The following TENM2 variants were observed in gnomAD, a reference collection of about 807,000 sequenced individuals.
The protein encoded by TENM2 is teneurin transmembrane protein 2, also known as teneurin-2.
TENM2 carries 52 observed loss-of-function variants against 245.2 expected under a neutral mutation model. The ratio of observed to expected loss-of-function variants is 0.21; its 90% confidence interval spans 0.17 to 0.27. TENM2 has a LOEUF of 0.27. TENM2 is among the 10% of genes least tolerant of loss of function. The pLI is 1.00. For synonymous variants in TENM2, 1,363 were observed against 1,438.9 expected, an observed-to-expected ratio of 0.95 and a Z score of 1.19; for missense variants, 3,046 against 3,666.8, an observed-to-expected ratio of 0.83 and a Z score of 4.37.
intron 2 of TENM2, chr5:167,728,689 T>A (rs537772827): frequency 6.6e-6 from 1 of 152,412 alleles, no homozygotes; most frequent in Non-Finnish European, 1.5e-5. Flanking sequence ...CTGTGTTTTA[T>A]CTACAGCTCG....
chr5:167,105,928 G>GAAAGTGATC, the TENM2 span, among the ~76,000 whole-genome samples: 3 of 59,020 alleles, frequency 5.1e-5, no homozygotes, highest in Non-Finnish European at 9.5e-5. Context: ...AAAAAAAAAA[G>GAAAGTGATC]AAAGTGATCA....
At chr5:167,000,354 T>G in the TENM2 span, among the ~76,000 whole-genome samples, 2 of 152,246 alleles carry the variant, frequency 1.3e-5, no homozygotes, top group Admixed American at 1.3e-4. Context: ...TACTTCCATT[T>G]GCTTTATGAA....
At chr5:168,068,987 T>C (rs543246501) in intron 7 of TENM2, among the ~76,000 whole-genome samples, 7 of 152,286 alleles carry the variant, frequency 4.6e-5, no homozygotes, top group East Asian at 3.9e-4. Flanking sequence ...TTTGTGTTTT[T>C]GTGCAATTTT....
At chr5:168,168,170 A>C (rs534892580) in intron 13 of TENM2, among the ~76,000 whole-genome samples, 3 of 152,302 alleles carry the variant, frequency 2.0e-5, no homozygotes, top group South Asian at 4.1e-4. Flanking sequence ...AGGAGTCTGC[A>C]CTTTTACCAC....
chr5:167,348,338 T>C (rs746494264), intron 1 of TENM2, among the ~76,000 whole-genome samples: 1 of 152,158 alleles, frequency 6.6e-6, no homozygotes, highest in African/African-American at 2.4e-5. Flanking sequence ...AAGCATTATA[T>C]TTATATTTGT....
intron 1 of TENM2, among the ~76,000 whole-genome samples, chr5:167,341,181 G>A (rs1487580307): frequency 6.6e-6 from 1 of 152,176 alleles, no homozygotes; most frequent in Non-Finnish European, 1.5e-5. Flanking sequence ...ACAGGTCATG[G>A]CAGGCCCCTG....
At chr5:167,850,433 G>A (rs754176854) in intron 2 of TENM2, among the ~76,000 whole-genome samples, 6 of 152,158 alleles carry the variant, frequency 3.9e-5, no homozygotes, top group Non-Finnish European at 7.3e-5. Context: ...ATTAAGGAAG[G>A]GGATTCCACT....
chr5:167,239,878 T>G, the TENM2 span, among the ~76,000 whole-genome samples: 1 of 152,168 alleles, frequency 6.6e-6, no homozygotes, highest in Non-Finnish European at 1.5e-5. Context: ...ATTCAAGCGA[T>G]TCTCCTGCCT....
the TENM2 span, among the ~76,000 whole-genome samples, chr5:167,234,069 A>G: frequency 1.3e-5 from 2 of 152,180 alleles, no homozygotes; most frequent in Non-Finnish European, 2.9e-5. Flanking sequence ...AACTCGGTAC[A>G]GAGAAAATAA....
At chr5:168,166,603 G>A (rs1241122123) in intron 13 of TENM2, among the ~76,000 whole-genome samples, 1 of 152,166 alleles carries the variant, frequency 6.6e-6, no homozygotes, top group South Asian at 2.1e-4. Context: ...CTAAGTCTGG[G>A]GAGGGCAGTG....
At chr5:167,378,953 CAAAG>C (rs1388992847) in intron 2 of TENM2, among the ~76,000 whole-genome samples, 5 of 124,842 alleles carry the variant, frequency 4.0e-5, no homozygotes, top group Non-Finnish European at 8.7e-5. Context: ...AAACAAAAAA[CAAAG>C]AAAATAAAGT....
rs151328739 is a variant in TENM2, at chr5:167,547,703, A to G, written c.502+172230A>G. Reference sequence around the variant, plus strand: ...GGTCTTATGCCTGGTCCAAGGTCACATGGCTAGCTGAGTATAGCCTCATAA... The same window carrying G: ...GGTCTTATGCCTGGTCCAAGGTCACGTGGCTAGCTGAGTATAGCCTCATAA... On this transcript the variant is annotated intron_variant, in intron 2 of 28. Transcript: ENST00000518659. Among the ~76,000 whole-genome samples the G allele has an allele frequency of 3.2e-3, 483 of 152,320 alleles. 6 individuals are homozygous for G. The highest frequency in any genetic ancestry group is 0.011 in the African/African-American group (461 of 41,574).
the TENM2 span, among the ~76,000 whole-genome samples, chr5:167,150,270 A>G: frequency 6.6e-6 from 1 of 152,190 alleles, no homozygotes; most frequent in Non-Finnish European, 1.5e-5. Flanking sequence ...TTTAAAGGCC[A>G]TTTAAATGGT....
chr5:168,218,215 G>A lies in TENM2; in HGVS notation c.4324G>A (p.Glu1442Lys), dbSNP rs764799693. Reference sequence around the variant, plus strand: ...GAACAATGTCATCCTTCGAATCACCGAGAACCACCAAGTCAGCATCATTGC... The same window carrying A: ...GAACAATGTCATCCTTCGAATCACCAAGAACCACCAAGTCAGCATCATTGC... Residue 1442 changes from glutamate (E) to lysine (K), a missense_variant, in exon 23 of 29, where the codon GAG (glutamate) becomes AAG (lysine). This residue lies in a region of TENM2 where 2,704 missense variants were observed against 3,331.9 expected (regional missense o/e 0.81). Transcript: ENST00000518659. The surrounding 1 kb of genome is among the most constrained non-coding windows in gnomAD (Gnocchi z 5.2). 13 of 1,613,590 alleles carry A rather than the reference G, an allele frequency of 8.1e-6. No homozygotes were observed. Among genetic ancestry groups the A allele is most frequent in the East Asian group, 4.5e-5 (2 of 44,874 alleles).
rs192854846 is a variant in TENM2 at position 168,217,590 on chromosome 5, C to T, written c.4234-535C>T. On this transcript the variant is annotated intron_variant, in intron 22 of 28. Transcript: ENST00000518659. ...AAATTCCATAGAGGAAGGATGCGTT[C>T]GGTTCCGTTTATTTTTTAAAGCAGA... is the stretch of plus-strand genomic sequence containing the variant. Among the ~76,000 whole-genome samples the T allele has an allele frequency of 3.3e-3, 507 of 152,292 alleles. 1 individual carries two copies. The highest frequency in any genetic ancestry group is 3.9e-3 in the Non-Finnish European group (265 of 68,032).
intron 1 of TENM2, among the ~76,000 whole-genome samples, chr5:167,356,314 A>T (rs150392958): frequency 1.3e-5 from 2 of 151,998 alleles, no homozygotes; most frequent in African/African-American, 4.8e-5. Flanking sequence ...TGGAAAGCCC[A>T]GAAACCTCCC....
intron 13 of TENM2, among the ~76,000 whole-genome samples, chr5:168,168,995 A>G (rs1758556011): frequency 6.6e-6 from 1 of 152,240 alleles, no homozygotes; most frequent in Non-Finnish European, 1.5e-5. Context: ...CAAAGAGCTC[A>G]CTATCCATCT....
intron 1 of TENM2, among the ~76,000 whole-genome samples, chr5:167,304,913 G>A (rs973700304): frequency 2.0e-5 from 3 of 152,132 alleles, no homozygotes; most frequent in African/African-American, 7.2e-5. Flanking sequence ...GAAAGACAGT[G>A]CCTCACTCAT....
chr5:167,523,894 T>C (rs1019407224), intron 2 of TENM2, among the ~76,000 whole-genome samples: 1 of 152,112 alleles, frequency 6.6e-6, no homozygotes, highest in Non-Finnish European at 1.5e-5. Context: ...TGCCCTTCAT[T>C]GAGATCAGCT....
Sources: allele counts gnomAD v4.1 joint callset (sites outside exome capture counted in the v4.1 genomes callset), GRCh38; gene constraint gnomAD v4.1.1; regional missense constraint gnomAD v4.1.1; non-coding constraint Gnocchi (gnomAD v3.1); transcripts MANE v1.5; gene names NCBI Gene and HGNC (gene_info 2026-07-23, HGNC 2026-07-21).